XPO4: variants seen among roughly 807,000 people sequenced by gnomAD.
XPO4 encodes the protein exportin 4.
XPO4 carries 39 observed loss-of-function variants against 143.0 expected under a neutral mutation model. That is an observed-to-expected ratio of 0.27 (90% CI 0.21 to 0.36). The LOEUF is 0.36. XPO4 is among the 10% of genes least tolerant of loss of function. XPO4 has a pLI of 1.00. For synonymous variants in XPO4, 439 were observed against 474.0 expected (o/e 0.93, Z 0.96); for missense variants, 907 against 1,348.0 (o/e 0.67, Z 5.12).
At chr13:20,829,373 GA>G (rs2059824784) in intron 6 of XPO4, among the ~76,000 whole-genome samples, 1 of 152,046 alleles carries the variant, frequency 6.6e-6, no homozygotes, top group Admixed American at 6.6e-5. Context: ...GGAAAATAAT[GA>G]TTTTGTAATA....
At chr13:20,902,753 G>A, upstream of XPO4, 1 of 1,511,266 alleles carries the variant, frequency 6.6e-7, no homozygotes. Flanking sequence ...TCTCTTCAAT[G>A]ACGCGCCATG....
At chr13:20,850,053 C>G in intron 4 of XPO4, 2 of 913,600 alleles carry the variant, frequency 2.2e-6, no homozygotes, top group Non-Finnish European at 2.6e-6. Flanking sequence ...TTGTAGTGAG[C>G]TGAGTTCATG....
At chr13:20,867,929 T>C (rs1421313991) in intron 2 of XPO4, among the ~76,000 whole-genome samples, 1 of 152,110 alleles carries the variant, frequency 6.6e-6, no homozygotes, top group Admixed American at 6.6e-5. Flanking sequence ...TATTGAAAAA[T>C]ATCTAAGGGA....
In XPO4 at chr13:20,807,638, C is replaced by A; in HGVS notation, c.1640-4G>T. 6.4e-7 allele frequency: 1 copy of A among 1,551,468 alleles called. No homozygotes were observed. Among genetic ancestry groups the A allele is most frequent in the Non-Finnish European group, 8.6e-7 (1 of 1,159,014 alleles). ...GTATCATCAGCTAAGAGGTAGCCTT[C>A]AGTTTAAAAAAAATTAAAAATGAAC... On this transcript the variant is annotated splice_region_variant and splice_polypyrimidine_tract_variant and intron_variant, in intron 12 of 22. Coordinates refer to ENST00000255305, the MANE Select transcript of XPO4 (RefSeq NM_022459.5).
intron 9 of XPO4, among the ~76,000 whole-genome samples, chr13:20,820,244 A>T (rs1410884806): frequency 6.6e-6 from 1 of 152,228 alleles, no homozygotes; most frequent in Non-Finnish European, 1.5e-5. Flanking sequence ...TCTATATTCC[A>T]ACACTCCTAT....
chr13:20,897,916 A>G (rs7321635), intron 1 of XPO4, among the ~76,000 whole-genome samples: 1 of 151,874 alleles, frequency 6.6e-6, no homozygotes. Context: ...CCTCGCCCAG[A>G]TAATTTTTGT....
In XPO4 at chr13:20,780,206, A is replaced by G. The variant is rs1277874102; in HGVS notation, c.*3516T>C. ...ATGTTTTATTCAGGAACCAATAACA[A>G]TAATTCCTCATCAAAGACAGCTAAC... On this transcript the variant is annotated 3_prime_UTR_variant, in exon 23 of 23. Coordinates refer to ENST00000255305, the MANE Select transcript of XPO4 (RefSeq NM_022459.5). 3 of 152,212 alleles carry G rather than the reference A, an allele frequency of 2.0e-5. No homozygotes were observed. Among genetic ancestry groups the G allele is most frequent in the African/African-American group, 4.8e-5 (2 of 41,456 alleles). The allele number at this position is 152,212 out of a possible 1,614,324, so 9.4% of individuals were successfully genotyped here.
chr13:20,789,411 T>C (rs1476101428), intron 19 of XPO4, among the ~76,000 whole-genome samples: 2 of 151,370 alleles, frequency 1.3e-5, no homozygotes, highest in African/African-American at 4.9e-5. Flanking sequence ...TTTTTTTTTT[T>C]TGAGACAGAG....
chr13:20,810,209 T>C (rs1227666262), intron 9 of XPO4, among the ~76,000 whole-genome samples: 5 of 152,060 alleles, frequency 3.3e-5, no homozygotes, highest in African/African-American at 1.2e-4. Flanking sequence ...ATTTTTCAAA[T>C]AAAAATAATA....
chr13:20,894,319 GCT>G (rs1460221220), intron 1 of XPO4, among the ~76,000 whole-genome samples: 2 of 152,046 alleles, frequency 1.3e-5, no homozygotes. Context: ...TTTTCTATTA[GCT>G]CTTTCTCACT....
intron 21 of XPO4, among the ~76,000 whole-genome samples, chr13:20,787,274 C>A (rs1232842221): frequency 6.6e-6 from 1 of 152,110 alleles, no homozygotes; most frequent in Non-Finnish European, 1.5e-5. Flanking sequence ...TCAATGTGTA[C>A]CACATCAATT....
At chr13:20,845,897 T>C (rs2060024276) in intron 4 of XPO4, among the ~76,000 whole-genome samples, 1 of 152,216 alleles carries the variant, frequency 6.6e-6, no homozygotes, top group Non-Finnish European at 1.5e-5. Context: ...AATTTTTCAT[T>C]GACACTTAGC....
chr13:20,829,249 C>T (rs963219110), intron 6 of XPO4, among the ~76,000 whole-genome samples: 7 of 152,186 alleles, frequency 4.6e-5, no homozygotes, highest in African/African-American at 7.2e-5. Context: ...TGAGCCAGCA[C>T]ACCTGGCCAA....
chr13:20,849,846 C>A (rs931415240), intron 4 of XPO4: 3 of 979,624 alleles, frequency 3.1e-6, no homozygotes, highest in Non-Finnish European at 2.4e-6. Flanking sequence ...TGGCTCACAC[C>A]TGTAATCCCA....
chr13:20,862,027 T>C (rs2060205576), intron 3 of XPO4, among the ~76,000 whole-genome samples: 1 of 152,038 alleles, frequency 6.6e-6, no homozygotes. Flanking sequence ...GACCTCATGA[T>C]CTGCCTGGCT....
chr13:20,817,053 C>T (rs1402775303), intron 9 of XPO4, among the ~76,000 whole-genome samples: 1 of 152,206 alleles, frequency 6.6e-6, no homozygotes, highest in African/African-American at 2.4e-5. Context: ...TTTATAGCTA[C>T]AAGAACCGTT....
chr13:20,893,778 A>AG (rs1365714389), intron 1 of XPO4, among the ~76,000 whole-genome samples: 1 of 151,950 alleles, frequency 6.6e-6, no homozygotes, highest in African/African-American at 2.4e-5. Flanking sequence ...AAAAAAAAAA[A>AG]AAAGAAAGAA....
intron 18 of XPO4, among the ~76,000 whole-genome samples, chr13:20,792,674 TCG>T (rs1307279014): frequency 7.1e-6 from 1 of 141,694 alleles, no homozygotes; most frequent in African/African-American, 2.7e-5. Context: ...TGAGCCAAGG[TCG>T]CGCCATTGCA....
At chr13:20,857,081 A>G (rs2060151588) in intron 3 of XPO4, 2 of 175,236 alleles carry the variant, frequency 1.1e-5, no homozygotes, top group African/African-American at 4.8e-5. Context: ...TTCAAAACAT[A>G]CACTTGAACC....
Sources: allele counts gnomAD v4.1 joint callset (sites outside exome capture counted in the v4.1 genomes callset), GRCh38; gene constraint gnomAD v4.1.1; transcripts MANE v1.5; gene names NCBI Gene and HGNC (gene_info 2026-07-23, HGNC 2026-07-21).